SSBP2: variants seen among roughly 807,000 people sequenced by gnomAD.
The protein encoded by SSBP2 is single stranded DNA binding protein 2, also known as single-stranded DNA-binding protein 2.
A neutral mutation model predicts 61.8 loss-of-function variants in SSBP2; 17 were observed. The ratio of observed to expected loss-of-function variants is 0.28; its 90% CI spans 0.19 to 0.41. SSBP2 has a LOEUF of 0.41. Ranked by LOEUF, SSBP2 falls within the 10% of genes least tolerant of loss-of-function variation. SSBP2 has a pLI of 1.00. For synonymous variants in SSBP2, 139 were observed against 141.3 expected (o/e 0.98, Z 0.12); for missense variants, 310 against 458.7 (o/e 0.68, Z 2.96).
At chr5:81,652,997 A>G (rs1020890934) in intron 1 of SSBP2, among the ~76,000 whole-genome samples, 1 of 150,696 alleles carries the variant, frequency 6.6e-6, no homozygotes, top group East Asian at 2.0e-4. Flanking sequence ...GGAACGTGCA[A>G]GTTTGTTACA....
intron 4 of SSBP2, among the ~76,000 whole-genome samples, chr5:81,549,286 C>A (rs1251591696): frequency 1.3e-5 from 2 of 152,168 alleles, no homozygotes; most frequent in African/African-American, 2.4e-5. Context: ...ATCAATCAAT[C>A]TCTCGCCTTG....
chr5:81,478,064 G>C (rs1031627547), intron 6 of SSBP2, among the ~76,000 whole-genome samples: 1 of 152,124 alleles, frequency 6.6e-6, no homozygotes, highest in African/African-American at 2.4e-5. Context: ...ACTGTCAAAA[G>C]TTATAAATAA....
intron 1 of SSBP2, among the ~76,000 whole-genome samples, chr5:81,741,598 T>C (rs1481200772): frequency 6.6e-6 from 1 of 152,112 alleles, no homozygotes; most frequent in East Asian, 1.9e-4. Flanking sequence ...CGAAAAAACC[T>C]TACCTTTCCC....
At chr5:81,493,112 A>T (rs1321667062) in intron 5 of SSBP2, among the ~76,000 whole-genome samples, 1 of 152,006 alleles carries the variant, frequency 6.6e-6, no homozygotes, top group Non-Finnish European at 1.5e-5. Flanking sequence ...GTTGTGTCAG[A>T]TTAAAGGTCA....
intron 2 of SSBP2, among the ~76,000 whole-genome samples, chr5:81,640,019 G>GT (rs1323249840): frequency 6.6e-6 from 1 of 152,042 alleles, no homozygotes; most frequent in Non-Finnish European, 1.5e-5. Flanking sequence ...AGTAAAACAA[G>GT]TAATTTGTTC....
chr5:81,587,779 ACAC>A (rs945609790), intron 4 of SSBP2, among the ~76,000 whole-genome samples: 2 of 151,650 alleles, frequency 1.3e-5, no homozygotes, highest in African/African-American at 4.8e-5. Context: ...ACACACACAC[ACAC>A]ACTAATGCTT....
At chr5:81,434,172 C>T in intron 15 of SSBP2, among the ~76,000 whole-genome samples, 1 of 152,024 alleles carries the variant, frequency 6.6e-6, no homozygotes, top group East Asian at 1.9e-4. Context: ...ATTTATCTTA[C>T]ATATAAAATG....
chr5:81,536,393 G>A (rs955344233), intron 4 of SSBP2, among the ~76,000 whole-genome samples: 19 of 151,964 alleles, frequency 1.3e-4, no homozygotes, highest in African/African-American at 3.6e-4. Flanking sequence ...ATGGGGGTTC[G>A]TTGTACAGGT....
intron 4 of SSBP2, among the ~76,000 whole-genome samples, chr5:81,517,064 G>A (rs1309751247): frequency 6.6e-6 from 1 of 152,046 alleles, no homozygotes; most frequent in East Asian, 1.9e-4. Context: ...CTGAATTTAT[G>A]TGAATTCCCA....
upstream of SSBP2, chr5:81,751,134 G>A (rs1172874594): frequency 7.3e-7 from 1 of 1,361,424 alleles, no homozygotes; most frequent in East Asian, 2.5e-5. Context: ...GACCCACGCA[G>A]CCACCCCCAC....
chr5:81,476,316 T>C (rs1385611713), intron 6 of SSBP2, among the ~76,000 whole-genome samples: 2 of 152,172 alleles, frequency 1.3e-5, no homozygotes, highest in African/African-American at 4.8e-5. Context: ...ATAATGTTTC[T>C]TTTTTCTTTC....
chr5:81,737,680 C>T (rs1395779958), intron 1 of SSBP2, among the ~76,000 whole-genome samples: 2 of 150,750 alleles, frequency 1.3e-5, no homozygotes, highest in Non-Finnish European at 2.9e-5. Flanking sequence ...CCCAGCTACT[C>T]GAGAGGCTGA....
Position 81,416,239 on chromosome 5 carries a change from A to T in SSBP2, c.*4265T>A, listed in dbSNP as rs188597090. 1,209 of 125,662 alleles carry T rather than the reference A, an allele frequency of 9.6e-3. 4 individuals are homozygous for T. Among genetic ancestry groups the T allele is most frequent in the Middle Eastern group, 0.016 (4 of 246 alleles). The allele number at this position is 125,662 out of a possible 1,614,324, so 7.8% of individuals were successfully genotyped here. ...AAAAAAAAAAAAGAAAAAAAAATTT[A>T]AAAAAAAGGAAAACCAGTGTCAAAA... On this transcript the variant is annotated 3_prime_UTR_variant, in exon 17 of 17. Transcript: ENST00000320672.
chr5:81,540,487 T>C (rs1300943431), intron 4 of SSBP2, among the ~76,000 whole-genome samples: 1 of 152,252 alleles, frequency 6.6e-6, no homozygotes, highest in Non-Finnish European at 1.5e-5. Flanking sequence ...ATTTCTCTGA[T>C]GGCCAGTGAT....
At chr5:81,445,137 T>TAGA (rs1358800475) in intron 12 of SSBP2, among the ~76,000 whole-genome samples, 1 of 46,582 alleles carries the variant, frequency 2.1e-5, no homozygotes, top group African/African-American at 1.2e-4. Flanking sequence ...AAAAAAAAAT[T>TAGA]TTATATATAT....
At chr5:81,573,279 C>A (rs910861443) in intron 4 of SSBP2, among the ~76,000 whole-genome samples, 1 of 152,120 alleles carries the variant, frequency 6.6e-6, no homozygotes, top group African/African-American at 2.4e-5. Flanking sequence ...CTTAAAGGTT[C>A]CATATAAACT....
rs1303644011 is a variant in SSBP2 at position 81,541,253 on chromosome 5, A to G, written c.283-27536T>C. Among the ~76,000 whole-genome samples, 4 of 152,300 alleles carry G rather than the reference A, an allele frequency of 2.6e-5. 1 individual carries two copies. The highest frequency in any genetic ancestry group is 4.8e-5 in the African/African-American group (2 of 41,578). ...CTACAAGGAGAACTACAAAATACTG[A>G]TAACAGAAGTCATAGAAGACACAAA... On this transcript the variant is annotated intron_variant, in intron 4 of 16. Coordinates refer to ENST00000320672, the MANE Select transcript of SSBP2 (RefSeq NM_012446.5).
rs376780979 is a variant in SSBP2, at chr5:81,469,037, T to C, written c.571-1996A>G. Among the ~76,000 whole-genome samples, 394 of 152,094 alleles carry C rather than the reference T, an allele frequency of 2.6e-3. 1 individual carries two copies. Among genetic ancestry groups the C allele is most frequent in the African/African-American group, 9.1e-3 (380 of 41,560 alleles). ...AAAAGTCTCCCCTCCTTTTTGGTCT[T>C]ACAAGATCTCTGTTTTATTTCCCCT... is the stretch of plus-strand genomic sequence containing the variant. On this transcript the variant is annotated intron_variant, in intron 8 of 16. Transcript: ENST00000320672.
At chr5:81,723,468 A>G (rs1368960459) in intron 1 of SSBP2, among the ~76,000 whole-genome samples, 1 of 152,000 alleles carries the variant, frequency 6.6e-6, no homozygotes, top group Non-Finnish European at 1.5e-5. Flanking sequence ...AGTATTCACA[A>G]TGGTACATAA....
Sources: allele counts gnomAD v4.1 joint callset (sites outside exome capture counted in the v4.1 genomes callset), GRCh38; gene constraint gnomAD v4.1.1; transcripts MANE v1.5; gene names NCBI Gene and HGNC (gene_info 2026-07-23, HGNC 2026-07-21).